The following RRP36 variants were observed in gnomAD, a reference collection of about 807,000 sequenced individuals.
RRP36 encodes ribosomal RNA processing protein 36 homolog.
Under a neutral mutation model 39.8 loss-of-function variants are expected in RRP36, and 44 were observed. That is an observed-to-expected ratio of 1.10 (90% confidence interval 0.87 to 1.42). RRP36 has a LOEUF of 1.42. Among genes scored for constraint, RRP36 ranks in the 40% most tolerant of loss-of-function variants. The pLI is 0.00. For missense variants in RRP36, 316 were observed against 322.4 expected, an observed-to-expected ratio of 0.98 and a Z score of 0.15; for synonymous variants, 124 against 123.1, an observed-to-expected ratio of 1.01 and a Z score of -0.05.
At chr6:43,023,302 G>A (rs1444648133) in intron 1 of RRP36, among the ~76,000 whole-genome samples, 1 of 152,156 alleles carries the variant, frequency 6.6e-6, no homozygotes, top group African/African-American at 2.4e-5. Flanking sequence ...AGGAGGCTGA[G>A]GCATGAGGAT....
intron 1 of RRP36, among the ~76,000 whole-genome samples, chr6:43,023,522 G>A (rs548463538): frequency 5.9e-5 from 9 of 151,942 alleles, no homozygotes; most frequent in African/African-American, 1.7e-4. Flanking sequence ...GGTGAAACTC[G>A]TCCTTATTAA....
chr6:43,026,771 G>A lies in RRP36; in HGVS notation c.451-407G>A, dbSNP rs533192268. 1.4e-4 allele frequency among the ~76,000 whole-genome samples: 21 copies of A among 152,202 alleles called. No individual in the cohort carries two copies. In the South Asian group the frequency reaches 1.5e-3, roughly 11 times the overall value. On this transcript the variant is annotated intron_variant, in intron 4 of 6. Transcript: ENST00000244496. ...TGTTATCCCACCACTTTGGGAGGCC[G>A]AGGCAGGTGGATCACGAGGTCAGGA... is the stretch of plus-strand genomic sequence containing the variant.
At chr6:43,026,912 A>G (rs1048650568) in intron 4 of RRP36, among the ~76,000 whole-genome samples, 2 of 151,564 alleles carry the variant, frequency 1.3e-5, no homozygotes, top group Non-Finnish European at 2.9e-5. Flanking sequence ...AAATAAAAAA[A>G]AAAATTAGCC....
In RRP36 at chr6:43,027,520, G is replaced by C. The variant is rs781466822; in HGVS notation, c.643+43G>C. ...GTTGCTAACAGGGACAGGGGTGCAG[G>C]GGCCATGGTGGTAGAGTCTTGTGTT... On this transcript the variant is annotated intron_variant, in intron 6 of 6. Coordinates refer to ENST00000244496, the MANE Select transcript of RRP36 (RefSeq NM_033112.4). 3 of 1,503,844 alleles carry C rather than the reference G, an allele frequency of 2.0e-6. No individual in the cohort carries two copies. In the South Asian group the frequency reaches 3.4e-5, roughly 17 times the overall value. 93.2% of individuals were successfully genotyped at this position (1,503,844 alleles called of 1,614,324 possible). A position where few individuals can be genotyped will look rare whatever the true frequency, so the allele number is the denominator to read the frequency against.
intron 6 of RRP36, among the ~76,000 whole-genome samples, chr6:43,028,336 A>AAAAC (rs200665236): frequency 1.3e-5 from 2 of 151,520 alleles, no homozygotes; most frequent in Non-Finnish European, 2.9e-5. Context: ...TCTCACAGGA[A>AAAAC]AAACAAACAA....
chr6:43,021,650 A>T lies in RRP36; in HGVS notation c.-5A>T, dbSNP rs555648003. On this transcript the variant is annotated 5_prime_UTR_variant, in exon 1 of 7. Transcript: ENST00000244496. The stretch of plus-strand genomic sequence containing the variant: ...CATTCGTCTTCCGAGCGCTACTGCC[A>T]GCTGATGCCGGGAGCTAACTACCGC... The T allele has an allele frequency of 7.0e-6, 9 of 1,283,998 alleles. No homozygotes were observed. In the South Asian group the frequency reaches 2.6e-4, roughly 37 times the overall value. The allele number at this position is 1,283,998 out of a possible 1,614,324, so 79.5% of individuals were successfully genotyped here.
intron 1 of RRP36, 47 bp downstream of exon 1, chr6:43,021,831 A>T: frequency 8.4e-7 from 1 of 1,195,368 alleles, no homozygotes; most frequent in Non-Finnish European, 1.0e-6. Flanking sequence ...GGAGATTCCC[A>T]GGCGGGGCCC....
At position 43,021,987 on chromosome 6, in the gene RRP36, A is replaced by G. The variant is rs531437027; in HGVS notation, c.130+203A>G. ...ACATCCTGAGAAGTTTCTTCACGGC[A>G]GGATGAGGGTTTTCGGCGATGGGGA... is the stretch of plus-strand genomic sequence containing the variant. On this transcript the variant is annotated intron_variant, in intron 1 of 6. Transcript: ENST00000244496. Among the ~76,000 whole-genome samples, 45 of 152,360 alleles carry G rather than the reference A, an allele frequency of 3.0e-4. 1 individual carries two copies. The highest frequency in any genetic ancestry group is 1.0e-3 in the African/African-American group (43 of 41,600).
intron 3 of RRP36, among the ~76,000 whole-genome samples, chr6:43,025,582 C>T (rs1240392256): frequency 7.0e-6 from 1 of 142,200 alleles, no homozygotes; most frequent in African/African-American, 2.7e-5. Context: ...AGGATCATGC[C>T]ACTGCCCTAC....
chr6:43,024,661 G>A (rs574457523), intron 1 of RRP36, among the ~76,000 whole-genome samples: 14 of 152,292 alleles, frequency 9.2e-5, no homozygotes, highest in Middle Eastern at 3.4e-3. Flanking sequence ...TGGTAACTGA[G>A]CAAGGGAGGC....
Position 43,025,133 on chromosome 6 carries a change from G to A in RRP36, c.278+1G>A, listed in dbSNP as rs1278788942. 2 of 1,613,998 alleles carry A rather than the reference G, an allele frequency of 1.2e-6. No homozygotes were observed. The highest frequency in any genetic ancestry group is 2.2e-5 in the East Asian group (1 of 44,898). Reference sequence around the variant, plus strand: ...ATGCATGTGTTGCAGATAAGCACAGGTAAGCAAGGCTTGCCCTAGAAGTTG... The same window carrying A: ...ATGCATGTGTTGCAGATAAGCACAGATAAGCAAGGCTTGCCCTAGAAGTTG... On this transcript the variant is annotated splice_donor_variant, in intron 2 of 6. Coordinates refer to ENST00000244496, the MANE Select transcript of RRP36 (RefSeq NM_033112.4). LOFTEE classifies it high-confidence loss of function.
At chr6:43,023,858 A>ATT (rs566772892) in intron 1 of RRP36, among the ~76,000 whole-genome samples, 28 of 141,598 alleles carry the variant, frequency 2.0e-4, no homozygotes, top group South Asian at 9.0e-4. Flanking sequence ...GAGAGGTTGC[A>ATT]TTTTTTTTTT....
At chr6:43,023,081 T>C (rs1762755894) in intron 1 of RRP36, among the ~76,000 whole-genome samples, 1 of 152,130 alleles carries the variant, frequency 6.6e-6, no homozygotes, top group Non-Finnish European at 1.5e-5. Flanking sequence ...CTGCTGGAGA[T>C]AGTTGTGAAT....
intron 3 of RRP36, among the ~76,000 whole-genome samples, chr6:43,025,553 G>A (rs967583686): frequency 2.7e-5 from 4 of 149,464 alleles, no homozygotes; most frequent in African/African-American, 9.9e-5. Context: ...AACCTGGGAG[G>A]TGAAGGTTGC....
chr6:43,028,098 TG>T (rs200171998), intron 6 of RRP36, among the ~76,000 whole-genome samples: 7,005 of 149,886 alleles, frequency 0.047, 193 homozygotes, highest in African/African-American at 0.076. Context: ...GAGGCCAGTG[TG>T]GGGGGGTCAC....
Position 43,021,690 on chromosome 6 carries a change from C to CGGGGCCGGGGCCCGACGTCCCCGCG in RRP36, c.40_64dup (p.Ala22GlyfsTer34). The CGGGGCCGGGGCCCGACGTCCCCGCG allele has an allele frequency of 1.6e-6, 2 of 1,226,708 alleles. No homozygotes were observed. Among genetic ancestry groups the CGGGGCCGGGGCCCGACGTCCCCGCG allele is most frequent in the Non-Finnish European group, 1.0e-6 (1 of 983,220 alleles). The allele number at this position is 1,226,708 out of a possible 1,614,324, so 76.0% of individuals were successfully genotyped here. On this transcript the variant is annotated frameshift_variant, in exon 1 of 7. Transcript: ENST00000244496. LOFTEE classifies it high-confidence loss of function. The stretch of plus-strand genomic sequence containing the variant: ...CTAACTACCGCGCCGGGGCCGGGGC[C>CGGGGCCGGGGCCCGACGTCCCCGCG]GGGGCCGGGGCCCGACGTCCCCGCG...
intron 1 of RRP36, among the ~76,000 whole-genome samples, chr6:43,023,611 G>T (rs1002242809): frequency 6.6e-6 from 1 of 151,774 alleles, no homozygotes; most frequent in East Asian, 2.0e-4. Flanking sequence ...AGAATCGCTT[G>T]AACCTGGGAG....
chr6:43,025,456 C>G, intron 3 of RRP36, 127 bp downstream of exon 3: 1 of 767,824 alleles, frequency 1.3e-6, no homozygotes, highest in South Asian at 1.6e-5. Flanking sequence ...AACCCTGTCT[C>G]TACTAAAAAT....
chr6:43,021,925 A>G, intron 1 of RRP36, 141 bp downstream of exon 1: 2 of 545,482 alleles, frequency 3.7e-6, no homozygotes, highest in Non-Finnish European at 2.6e-6. Context: ...AGTGCAGTGG[A>G]AAGTGGGGGG....
Sources: gnomAD v4.1 joint callset for allele counts (sites outside exome capture counted in the v4.1 genomes callset) on GRCh38, gnomAD v4.1.1 for gene constraint, MANE v1.5 for transcripts, NCBI Gene and HGNC (gene_info 2026-07-23, HGNC 2026-07-21) for gene names.